HOMER2: variants seen among roughly 807,000 people sequenced by gnomAD.
HOMER2 encodes the protein homer scaffold protein 2.
A neutral mutation model predicts 47.0 loss-of-function variants in HOMER2; 27 were observed. That is an observed-to-expected ratio of 0.57 (90% CI 0.42 to 0.79). The LOEUF is 0.79. Ranked by LOEUF, HOMER2 falls within the 30% of genes least tolerant of loss-of-function variation. The probability of loss-of-function intolerance (pLI) is 0.00; values close to 1 mark genes in which losing one functional copy is unlikely to be tolerated. For synonymous variants in HOMER2, 161 were observed against 163.8 expected, an observed-to-expected ratio of 0.98 and a Z score of 0.13; for missense variants, 443 against 435.0, an observed-to-expected ratio of 1.02 and a Z score of -0.16.
chr15:82,901,278 G>A (rs916285985), intron 1 of HOMER2, among the ~76,000 whole-genome samples: 2 of 152,204 alleles, frequency 1.3e-5, no homozygotes, highest in Non-Finnish European at 2.9e-5. Flanking sequence ...AAGCAAAGCT[G>A]AGATGGAAAA....
intron 1 of HOMER2, among the ~76,000 whole-genome samples, chr15:82,930,625 C>T (rs1054794739): frequency 2.6e-5 from 4 of 152,234 alleles, no homozygotes; most frequent in Non-Finnish European, 5.9e-5. Context: ...GGCCCACAGT[C>T]ATCCCACATG....
At chr15:82,875,481 G>A in intron 2 of HOMER2, 77 bp from the exon 3 acceptor site, 1 of 1,482,534 alleles carries the variant, frequency 6.7e-7, no homozygotes, top group Non-Finnish European at 9.3e-7. Context: ...GTCTTCTATT[G>A]GCAAAGCCAG....
intron 2 of HOMER2, 135 bp from the exon 3 acceptor site, chr15:82,875,539 T>C (rs1267582168): frequency 2.0e-5 from 17 of 867,834 alleles, no homozygotes; most frequent in Non-Finnish European, 2.3e-5. Flanking sequence ...TCCCGCGTTC[T>C]CCTGGAACAA....
chr15:82,975,890 C>T (rs1260828781), intron 1 of HOMER2, among the ~76,000 whole-genome samples: 1 of 152,142 alleles, frequency 6.6e-6, no homozygotes, highest in Non-Finnish European at 1.5e-5. Context: ...AGGATAAATG[C>T]TTGAGGGGAT....
At chr15:82,920,303 T>C (rs2053695717) in intron 1 of HOMER2, among the ~76,000 whole-genome samples, 1 of 152,186 alleles carries the variant, frequency 6.6e-6, no homozygotes, top group Non-Finnish European at 1.5e-5. Flanking sequence ...CCCCTTATAC[T>C]TGATTGGTTT....
At chr15:82,890,750 A>T (rs1188046928) in intron 2 of HOMER2, among the ~76,000 whole-genome samples, 1 of 152,230 alleles carries the variant, frequency 6.6e-6, no homozygotes, top group Non-Finnish European at 1.5e-5. Context: ...TGGATAACTC[A>T]ACTGACAAAA....
intron 1 of HOMER2, among the ~76,000 whole-genome samples, chr15:82,947,197 T>A (rs530799318): frequency 1.2e-4 from 19 of 152,226 alleles, no homozygotes; most frequent in African/African-American, 4.3e-4. Flanking sequence ...CCTCAACATA[T>A]CTGAAAGACT....
At chr15:82,911,586 AAG>A (rs1272027654) in intron 1 of HOMER2, among the ~76,000 whole-genome samples, 2 of 152,212 alleles carry the variant, frequency 1.3e-5, no homozygotes, top group Non-Finnish European at 2.9e-5. Flanking sequence ...CATACCTCAA[AAG>A]AGTGTTTATA....
intron 4 of HOMER2, among the ~76,000 whole-genome samples, chr15:82,860,728 A>T (rs1354519376): frequency 1.3e-5 from 2 of 151,944 alleles, no homozygotes; most frequent in African/African-American, 2.4e-5. Flanking sequence ...CTTGAGGTCA[A>T]GAGTTCAAGA....
At chr15:82,971,198 A>T (rs1464085109) in intron 1 of HOMER2, among the ~76,000 whole-genome samples, 4 of 152,198 alleles carry the variant, frequency 2.6e-5, no homozygotes, top group Non-Finnish European at 4.4e-5. Context: ...TTTTCAGCTA[A>T]AGATTGGGCT....
chr15:82,868,046 AAT>A (rs1303356374), intron 3 of HOMER2, among the ~76,000 whole-genome samples: 1 of 151,976 alleles, frequency 6.6e-6, no homozygotes, highest in Non-Finnish European at 1.5e-5. Context: ...TTCTTAAAAA[AAT>A]ATATATATAT....
chr15:82,868,523 T>TTTTATATA (rs1453193520), intron 3 of HOMER2, among the ~76,000 whole-genome samples: 16 of 36,628 alleles, frequency 4.4e-4, no homozygotes, highest in Non-Finnish European at 6.5e-4. Context: ...CTTATTTATT[T>TTTTATATA]TATATATATA....
At chr15:82,857,491 C>T (rs151160367) in intron 5 of HOMER2, among the ~76,000 whole-genome samples, 4,471 of 127,472 alleles carry the variant, frequency 0.035, 220 homozygotes, top group African/African-American at 0.13. Flanking sequence ...AGTGCAGTGG[C>T]GTGATCTTGG....
At chr15:82,877,842 C>T (rs2052398361) in intron 2 of HOMER2, among the ~76,000 whole-genome samples, 2 of 128,698 alleles carry the variant, frequency 1.6e-5, no homozygotes, top group South Asian at 5.1e-4. Flanking sequence ...GAGATGGGGG[C>T]AGGGAAGCAG....
chr15:82,919,060 G>T (rs1232714713), intron 1 of HOMER2, among the ~76,000 whole-genome samples: 3 of 152,162 alleles, frequency 2.0e-5, no homozygotes, highest in Non-Finnish European at 4.4e-5. Context: ...GCAGAGCAGG[G>T]CCTGGGCCAC....
chr15:82,952,455 G>T (rs2054528183), intron 1 of HOMER2, 76 bp downstream of exon 1: 14 of 1,049,500 alleles, frequency 1.3e-5, no homozygotes, highest in Non-Finnish European at 1.7e-5. Context: ...GAGGCTCCGA[G>T]CCCGGTTACG....
chr15:82,960,242 A>G (rs1164154595), intron 1 of HOMER2, among the ~76,000 whole-genome samples: 1 of 152,192 alleles, frequency 6.6e-6, no homozygotes, highest in African/African-American at 2.4e-5. Flanking sequence ...GAAGTGAGAT[A>G]ATGAGTGCAA....
chr15:82,967,810 G>A (rs1204112300), intron 1 of HOMER2, among the ~76,000 whole-genome samples: 1 of 151,658 alleles, frequency 6.6e-6, no homozygotes, highest in Non-Finnish European at 1.5e-5. Context: ...CCGGAAAGCG[G>A]AGGTTGCAGT....
chr15:82,973,872 C>T (rs760857098), intron 1 of HOMER2, among the ~76,000 whole-genome samples: 2 of 151,898 alleles, frequency 1.3e-5, no homozygotes, highest in African/African-American at 2.4e-5. Flanking sequence ...TCAAGACCAG[C>T]GTGGTCAACA....
Sources: gnomAD v4.1 joint callset for allele counts (sites outside exome capture counted in the v4.1 genomes callset) on GRCh38, gnomAD v4.1.1 for gene constraint, MANE v1.5 for transcripts, NCBI Gene and HGNC (gene_info 2026-07-23, HGNC 2026-07-21) for gene names.